Variants in BIN1 observed in about 807,000 individuals in gnomAD.
BIN1 encodes the protein myc box-dependent-interacting protein 1.
A neutral mutation model predicts 82.0 loss-of-function variants in BIN1; 53 were observed. That is an observed-to-expected ratio of 0.65 (90% confidence interval 0.52 to 0.81). The LOEUF (loss-of-function observed/expected upper bound fraction) is 0.81, where lower values mean the gene tolerates loss of function less well. Ranked by LOEUF, BIN1 falls within the 40% of genes least tolerant of loss-of-function variation. BIN1 has a pLI of 0.00. For synonymous variants in BIN1, 302 were observed against 328.0 expected, an observed-to-expected ratio of 0.92 and a Z score of 0.86; for missense variants, 642 against 784.4, an observed-to-expected ratio of 0.82 and a Z score of 2.17.
intron 5 of BIN1, 35 bp downstream of exon 5, chr2:127,069,960 C>G: frequency 6.2e-7 from 1 of 1,602,080 alleles, no homozygotes; most frequent in Middle Eastern, 1.7e-4. Flanking sequence ...TCCCTCCAGG[C>G]CAGAGCAGGG....
In BIN1 at chr2:127,082,560, C is replaced by T. The variant is rs1687431885; in HGVS notation, c.85-5854G>A. Among the ~76,000 whole-genome samples, 1 of 152,142 alleles carries T rather than the reference C, an allele frequency of 6.6e-6. No homozygotes were observed. On this transcript the variant is annotated intron_variant, in intron 1 of 18. Coordinates refer to ENST00000316724, the MANE Select transcript of BIN1 (RefSeq NM_139343.3). This position sits in a 1 kb window ranked among gnomAD's most constrained non-coding sequence, Gnocchi z 6.1. Reference sequence around the variant, plus strand: ...CCCCAAGATGCTGCCTGCTGTCTGACACATCAGGCTGGGGTGGCAGTGGTG... The same window carrying T: ...CCCCAAGATGCTGCCTGCTGTCTGATACATCAGGCTGGGGTGGCAGTGGTG...
At chr2:127,070,150 G>A (rs903689194) in intron 4 of BIN1, 60 bp from the exon 5 acceptor site, 8 of 1,423,686 alleles carry the variant, frequency 5.6e-6, no homozygotes, top group African/African-American at 2.8e-5. Flanking sequence ...CCGCCCCAGC[G>A]CTCACCTCGC....
chr2:127,061,726 G>A (rs1222065220), intron 10 of BIN1, among the ~76,000 whole-genome samples: 3 of 152,148 alleles, frequency 2.0e-5, no homozygotes, highest in African/African-American at 7.2e-5. Flanking sequence ...GAGAGGGAAG[G>A]GCGGTGCTAT....
chr2:127,063,666 TG>T lies in BIN1; in HGVS notation c.699-21del. 6.2e-7 allele frequency: 1 copy of T among 1,611,616 alleles called. No homozygotes were observed. The highest frequency in any genetic ancestry group is 8.5e-7 in the Non-Finnish European group (1 of 1,178,834). ...ACGCGGCTACAGAAGGGCGGAAGGA[TG>T]GGGGCCAGGTGAACAGGCAGGTCAG... is the stretch of plus-strand genomic sequence containing the variant. On this transcript the variant is annotated intron_variant, in intron 8 of 18. Transcript: ENST00000316724.
chr2:127,102,184 A>G (rs1466523818), intron 1 of BIN1, among the ~76,000 whole-genome samples: 3 of 152,154 alleles, frequency 2.0e-5, no homozygotes, highest in Non-Finnish European at 2.9e-5. Flanking sequence ...TTCCTTACAG[A>G]GATATGAGGA....
At chr2:127,106,838 G>C in intron 1 of BIN1, 22 bp downstream of exon 1, 1 of 1,583,800 alleles carries the variant, frequency 6.3e-7, no homozygotes, top group Non-Finnish European at 8.6e-7. Context: ...CTCCGCGGCT[G>C]CTGGGGCTCC....
In BIN1 at chr2:127,082,101, A is replaced by T. The variant is rs1687371649; in HGVS notation, c.85-5395T>A. Among the ~76,000 whole-genome samples the T allele has an allele frequency of 6.6e-6, 1 of 152,080 alleles. No individual in the cohort carries two copies. Among genetic ancestry groups the T allele is most frequent in the African/African-American group, 2.4e-5 (1 of 41,408 alleles). On this transcript the variant is annotated intron_variant, in intron 1 of 18. Transcript: ENST00000316724. The surrounding 1 kb of genome is among the most constrained non-coding windows in gnomAD (Gnocchi z 6.1). ...CCGAGGGAGACACCCCAAGAGGCGAAAGGGAGGAGGGCCCCTAGAACAGGA... is the reference window on the plus strand; with the variant it reads ...CCGAGGGAGACACCCCAAGAGGCGATAGGGAGGAGGGCCCCTAGAACAGGA...
At chr2:127,085,760 C>A (rs1378422248) in intron 1 of BIN1, among the ~76,000 whole-genome samples, 3 of 152,224 alleles carry the variant, frequency 2.0e-5, no homozygotes, top group Non-Finnish European at 4.4e-5. Flanking sequence ...AAAGGGGGAG[C>A]TGAGCCAGGC....
intron 9 of BIN1, 55 bp from the exon 10 acceptor site, chr2:127,062,252 A>C (rs1684603497): frequency 6.6e-7 from 1 of 1,524,274 alleles, no homozygotes; most frequent in African/African-American, 1.4e-5. Flanking sequence ...AAACGGCCCC[A>C]CCTTCCCCAA....
chr2:127,101,325 TCACCTGGGACGGGAGCTGCC>T, intron 1 of BIN1, among the ~76,000 whole-genome samples: 1 of 152,276 alleles, frequency 6.6e-6, no homozygotes, highest in Admixed American at 6.5e-5. Context: ...TGGGTGCCCC[TCACCTGGGACGGGAGCTGCC>T]CACCTGACTC....
chr2:127,096,676 A>G (rs2105312306), intron 1 of BIN1, among the ~76,000 whole-genome samples: 1 of 152,276 alleles, frequency 6.6e-6, no homozygotes, highest in East Asian at 1.9e-4. Context: ...CCCCTGACAC[A>G]TAATTAGACA....
At chr2:127,072,883 C>G (rs1281744652) in intron 2 of BIN1, among the ~76,000 whole-genome samples, 1 of 152,194 alleles carries the variant, frequency 6.6e-6, no homozygotes, top group Non-Finnish European at 1.5e-5. Flanking sequence ...CAATTAAAGG[C>G]TTTGTTGGTC....
rs11887821 is a variant in BIN1 at position 127,090,290 on chromosome 2, C to G, written c.85-13584G>C. 6.6e-6 allele frequency among the ~76,000 whole-genome samples: 1 copy of G among 152,218 alleles called. No individual in the cohort carries two copies. The highest frequency in any genetic ancestry group is 1.5e-5 in the Non-Finnish European group (1 of 68,030). On this transcript the variant is annotated intron_variant, in intron 1 of 18. Coordinates refer to ENST00000316724, the MANE Select transcript of BIN1 (RefSeq NM_139343.3). The surrounding 1 kb of genome is among the most constrained non-coding windows in gnomAD (Gnocchi z 6.4). ...GCAGCAAGGCCAGCCTGGTGCAACC[C>G]GCTGTGGCCACATGAGGAGCCCTGA...
chr2:127,071,101 C>T (rs949306277), intron 2 of BIN1, among the ~76,000 whole-genome samples: 3 of 152,178 alleles, frequency 2.0e-5, no homozygotes, highest in African/African-American at 4.8e-5. Context: ...TCCGAGATGA[C>T]GTGCTGGAGG....
chr2:127,053,488 G>A (rs1190045482), intron 13 of BIN1, 43 bp from the exon 14 acceptor site: 2 of 1,610,434 alleles, frequency 1.2e-6, no homozygotes, highest in Non-Finnish European at 1.7e-6. Context: ...TAGCACAGAG[G>A]TTAGAGACAG....
At chr2:127,097,935 G>C (rs1358078314) in intron 1 of BIN1, among the ~76,000 whole-genome samples, 3 of 152,168 alleles carry the variant, frequency 2.0e-5, no homozygotes, top group Admixed American at 6.5e-5. Flanking sequence ...CTCTGAACTT[G>C]GCTCAGGTTC....
At chr2:127,084,256 C>T (rs965281916) in intron 1 of BIN1, among the ~76,000 whole-genome samples, 3 of 152,202 alleles carry the variant, frequency 2.0e-5, no homozygotes, top group East Asian at 1.9e-4. Flanking sequence ...GGCTGGAACC[C>T]GCTGTTACCC....
Position 127,067,555 on chromosome 2 carries a change from C to T in BIN1, c.612+608G>A, listed in dbSNP as rs972337301. 1.3e-5 allele frequency among the ~76,000 whole-genome samples: 2 copies of T among 152,204 alleles called. No homozygotes were observed. The highest frequency in any genetic ancestry group is 1.5e-5 in the Non-Finnish European group (1 of 68,036). On this transcript the variant is annotated intron_variant, in intron 7 of 18. Transcript: ENST00000316724. This position sits in a 1 kb window ranked among gnomAD's most constrained non-coding sequence, Gnocchi z 4.7. Reference sequence around the variant, plus strand: ...CCCCAAAGGCCAAGGACCCATGCTTCCCCTCCACGTCTCAGCATCCCATCC... The same window carrying T: ...CCCCAAAGGCCAAGGACCCATGCTTTCCCTCCACGTCTCAGCATCCCATCC...
chr2:127,070,123 G>T, intron 4 of BIN1, 33 bp from the exon 5 acceptor site: 1 of 1,596,288 alleles, frequency 6.3e-7, no homozygotes. Flanking sequence ...AGTGCCACCA[G>T]GAGGGCTGGG....
Sources: gnomAD v4.1 joint callset for allele counts (sites outside exome capture counted in the v4.1 genomes callset) on GRCh38, gnomAD v4.1.1 for gene constraint, Gnocchi (gnomAD v3.1) non-coding constraint, MANE v1.5 for transcripts, NCBI Gene and HGNC (gene_info 2026-07-23, HGNC 2026-07-21) for gene names.